DYM: variants seen among roughly 807,000 people sequenced by gnomAD.
DYM encodes the protein dymeclin.
Under a neutral mutation model 93.1 loss-of-function variants are expected in DYM, and 78 were observed. That is an observed-to-expected ratio of 0.84 (90% CI 0.70 to 1.01). The LOEUF is 1.01. Ranked by LOEUF, DYM falls within the 50% of genes least tolerant of loss-of-function variation. The pLI, the probability that DYM is intolerant of heterozygous loss-of-function variation, is 0.00. For missense variants in DYM, 789 were observed against 845.0 expected (o/e 0.93, Z 0.82); for synonymous variants, 321 against 319.7 (o/e 1.00, Z -0.04).
intron 14 of DYM, among the ~76,000 whole-genome samples, chr18:49,192,758 G>A (rs958409556): frequency 6.6e-6 from 1 of 151,658 alleles, no homozygotes; most frequent in African/African-American, 2.4e-5. Flanking sequence ...GGCTACTTGG[G>A]TTTCTCTGTG....
chr18:49,243,677 A>G (rs2094090878), intron 13 of DYM, among the ~76,000 whole-genome samples: 2 of 151,180 alleles, frequency 1.3e-5, no homozygotes, highest in African/African-American at 2.4e-5. Flanking sequence ...AAAAAAAAAA[A>G]AAAAGAAAAA....
At chr18:49,067,170 A>G (rs1356786288) in intron 17 of DYM, among the ~76,000 whole-genome samples, 174 of 22,708 alleles carry the variant, frequency 7.7e-3, no homozygotes, top group East Asian at 0.011. Context: ...TGATGTGAGC[A>G]CTATGGAGGT....
chr18:49,419,088 C>A (rs184172615), intron 2 of DYM, among the ~76,000 whole-genome samples: 15 of 152,220 alleles, frequency 9.9e-5, no homozygotes, highest in Middle Eastern at 3.4e-3. Flanking sequence ...GGTGGCCAGG[C>A]GCAGTGGCTC....
intron 15 of DYM, among the ~76,000 whole-genome samples, chr18:49,153,325 A>G (rs1231228272): frequency 6.6e-6 from 1 of 152,018 alleles, no homozygotes; most frequent in African/African-American, 2.4e-5. Flanking sequence ...GGGGCTTGGA[A>G]TCTATTTAAG....
chr18:49,044,275 G>C, intron 17 of DYM, 71 bp from the exon 18 acceptor site: 1 of 1,584,374 alleles, frequency 6.3e-7, no homozygotes, highest in Non-Finnish European at 8.6e-7. Flanking sequence ...AGAGTTTGCA[G>C]GTGGTGCTGT....
intron 14 of DYM, among the ~76,000 whole-genome samples, chr18:49,171,951 C>A (rs944769623): frequency 6.6e-6 from 1 of 152,040 alleles, no homozygotes; most frequent in African/African-American, 2.4e-5. Flanking sequence ...TTCATGTAAT[C>A]CATCACTACA....
rs533590767 is a variant in DYM at position 49,169,373 on chromosome 18, C to T, written c.1626-5586G>A. ...CAAAGGTGAGTTGGGCAGAGAAATACGAGTCCTGTGGGTGGGGGAAACAGC... is the reference window on the plus strand; with the variant it reads ...CAAAGGTGAGTTGGGCAGAGAAATATGAGTCCTGTGGGTGGGGGAAACAGC... On this transcript the variant is annotated intron_variant, in intron 14 of 17. Coordinates refer to ENST00000675505, the MANE Select transcript of DYM (RefSeq NM_001353214.3). Among the ~76,000 whole-genome samples the T allele has an allele frequency of 1.2e-4, 18 of 152,292 alleles. No individual in the cohort carries two copies. The South Asian group carries it at 2.3e-3, about 19-fold the overall frequency.
intron 13 of DYM, among the ~76,000 whole-genome samples, chr18:49,235,002 C>A (rs1426708430): frequency 3.3e-5 from 5 of 152,120 alleles, no homozygotes; most frequent in Non-Finnish European, 7.4e-5. Context: ...TAGATTCTGC[C>A]AACAACCTTA....
chr18:49,056,704 ATTTT>A (rs71165363), intron 17 of DYM, among the ~76,000 whole-genome samples: 1 of 143,280 alleles, frequency 7.0e-6, no homozygotes, highest in Admixed American at 7.0e-5. Context: ...CAACTGGGTA[ATTTT>A]TTTTTTTTTT....
intron 17 of DYM, among the ~76,000 whole-genome samples, chr18:49,085,518 T>C (rs889805813): frequency 4.6e-5 from 7 of 152,042 alleles, no homozygotes; most frequent in African/African-American, 1.7e-4. Flanking sequence ...AGTCAGAGAT[T>C]AGGAAGTTCC....
intron 14 of DYM, among the ~76,000 whole-genome samples, chr18:49,186,340 T>C (rs1476030700): frequency 6.6e-6 from 1 of 152,166 alleles, no homozygotes; most frequent in African/African-American, 2.4e-5. Flanking sequence ...TTTTTTCTTG[T>C]CTTTAAATGG....
intron 14 of DYM, among the ~76,000 whole-genome samples, chr18:49,200,171 C>T (rs1311784001): frequency 1.3e-5 from 2 of 151,840 alleles, no homozygotes; most frequent in African/African-American, 2.4e-5. Context: ...AATCCAAAGA[C>T]ATACATGTAA....
At chr18:49,212,505 A>T (rs1028215637) in intron 13 of DYM, among the ~76,000 whole-genome samples, 5 of 147,616 alleles carry the variant, frequency 3.4e-5, no homozygotes, top group African/African-American at 1.2e-4. Context: ...GGTAAAACTA[A>T]TTTTTTTTTT....
intron 16 of DYM, among the ~76,000 whole-genome samples, chr18:49,112,523 G>T (rs1210394162): frequency 6.6e-6 from 1 of 152,032 alleles, no homozygotes; most frequent in African/African-American, 2.4e-5. Context: ...AGACTATTTG[G>T]TTGTCCTGTG....
intron 15 of DYM, among the ~76,000 whole-genome samples, chr18:49,152,048 GTTA>G (rs2144752330): frequency 6.6e-6 from 1 of 152,246 alleles, no homozygotes; most frequent in African/African-American, 2.4e-5. Context: ...ATATGCATGG[GTTA>G]TTTTTTCTGT....
At chr18:49,234,864 A>G (rs1388187242) in intron 13 of DYM, among the ~76,000 whole-genome samples, 2 of 152,228 alleles carry the variant, frequency 1.3e-5, no homozygotes, top group African/African-American at 2.4e-5. Flanking sequence ...GATTTCAAGC[A>G]TGAGAAGCAT....
chr18:49,114,030 T>G (rs111278733), intron 16 of DYM, among the ~76,000 whole-genome samples: 2,323 of 152,278 alleles, frequency 0.015, 57 homozygotes, highest in African/African-American at 0.053. Context: ...ACTATTTCCC[T>G]TCTCTAGCCC....
intron 6 of DYM, among the ~76,000 whole-genome samples, chr18:49,347,735 T>C (rs2064722097): frequency 6.6e-6 from 1 of 152,238 alleles, no homozygotes; most frequent in South Asian, 2.1e-4. Flanking sequence ...AATTTGGCTA[T>C]CTTAAGTGCC....
intron 12 of DYM, among the ~76,000 whole-genome samples, chr18:49,257,992 T>A (rs999006070): frequency 6.6e-6 from 1 of 152,230 alleles, no homozygotes; most frequent in Non-Finnish European, 1.5e-5. Context: ...ATTTTTCTTT[T>A]ACTCTTTAAA....
Sources: allele counts gnomAD v4.1 joint callset (sites outside exome capture counted in the v4.1 genomes callset), GRCh38; gene constraint gnomAD v4.1.1; transcripts MANE v1.5; gene names NCBI Gene and HGNC (gene_info 2026-07-23, HGNC 2026-07-21).